The following SPATA18 variants were observed in gnomAD, a reference collection of about 807,000 sequenced individuals.
SPATA18 encodes the protein spermatogenesis associated 18.
SPATA18 carries 54 observed loss-of-function variants against 68.1 expected under a neutral mutation model. That is an observed-to-expected ratio of 0.79 (90% CI 0.64 to 0.99). The LOEUF is 0.99. Among genes scored for constraint, SPATA18 ranks in the 50% least tolerant of loss-of-function variants. The probability of loss-of-function intolerance (pLI) is 0.00; values close to 1 mark genes in which losing one functional copy is unlikely to be tolerated. For missense variants in SPATA18, 724 were observed against 681.1 expected (o/e 1.06, Z -0.70); for synonymous variants, 242 against 244.8 (o/e 0.99, Z 0.11).
intron 10 of SPATA18, chr4:52,083,227 C>A: frequency 1.0e-6 from 1 of 985,348 alleles, no homozygotes; most frequent in Non-Finnish European, 1.2e-6. Context: ...CCCTGCCTTT[C>A]CTAGAAAGAG....
At chr4:52,086,565 T>C (rs1249482631) in intron 11 of SPATA18, among the ~76,000 whole-genome samples, 1 of 152,206 alleles carries the variant, frequency 6.6e-6, no homozygotes, top group Non-Finnish European at 1.5e-5. Flanking sequence ...GGCTTCCAGC[T>C]TCATCAATGT....
rs994958016 is a variant in SPATA18, at chr4:52,079,625, T to C, written c.1180-119T>C. The C allele has an allele frequency of 9.4e-6, 11 of 1,170,710 alleles. No homozygotes were observed. In the Admixed American group the frequency reaches 2.4e-4, roughly 26 times the overall value. The allele number at this position is 1,170,710 out of a possible 1,614,324, so 72.5% of individuals were successfully genotyped here. On this transcript the variant is annotated intron_variant, in intron 8 of 12. Transcript: ENST00000295213. ...TTAGCACATTCACTGTTTTTCTGCTTTAACTTGCTTTGGCTCACATTCTCT... is the reference window on the plus strand; with the variant it reads ...TTAGCACATTCACTGTTTTTCTGCTCTAACTTGCTTTGGCTCACATTCTCT...
chr4:52,057,787 G>A (rs1163400131), intron 1 of SPATA18, among the ~76,000 whole-genome samples: 1 of 152,170 alleles, frequency 6.6e-6, no homozygotes, highest in Admixed American at 6.5e-5. Flanking sequence ...CTACCTCATA[G>A]GTGCCAATTG....
chr4:52,082,733 A>T (rs1741055033), intron 10 of SPATA18: 2 of 1,373,654 alleles, frequency 1.5e-6, no homozygotes, highest in Non-Finnish European at 1.9e-6. Flanking sequence ...TTCTTGCTTT[A>T]TTTAGGAGAT....
intron 4 of SPATA18, among the ~76,000 whole-genome samples, chr4:52,064,398 C>A (rs1377111478): frequency 2.6e-5 from 4 of 152,020 alleles, no homozygotes; most frequent in Non-Finnish European, 5.9e-5. Flanking sequence ...ACACTATAGC[C>A]AATATGTAGT....
chr4:52,069,690 T>A (rs1739626143), intron 4 of SPATA18, 131 bp from the exon 5 acceptor site: 1 of 454,166 alleles, frequency 2.2e-6, no homozygotes, highest in South Asian at 6.1e-5. Flanking sequence ...TGAATGCAGA[T>A]GTCTTTTAAT....
Position 52,076,929 on chromosome 4 carries a change from G to A in SPATA18, c.909G>A (p.Leu303=), listed in dbSNP as rs1439264492. The A allele has an allele frequency of 6.2e-7, 1 of 1,614,180 alleles. No homozygotes were observed. Residue 303 remains leucine, a synonymous_variant, in exon 7 of 13, where the codon TTG becomes TTA. Transcript: ENST00000295213. ...LSNVARKAAL[L]SRFSDSYSQA... is the part of the protein sequence containing the mutation. Reference sequence around the variant, plus strand: ...ATGTGGCGCGCAAGGCTGCCCTCTTGTCCCGGTTCAGCGATTCCTATTCCC... The same window carrying A: ...ATGTGGCGCGCAAGGCTGCCCTCTTATCCCGGTTCAGCGATTCCTATTCCC...
At chr4:52,075,624 G>A (rs914972693) in intron 6 of SPATA18, among the ~76,000 whole-genome samples, 4 of 152,168 alleles carry the variant, frequency 2.6e-5, no homozygotes, top group African/African-American at 9.7e-5. Context: ...CTCTCAGATG[G>A]CTCCTGAGTG....
At chr4:52,056,836 G>A (rs997851134) in intron 1 of SPATA18, among the ~76,000 whole-genome samples, 1 of 152,152 alleles carries the variant, frequency 6.6e-6, no homozygotes, top group African/African-American at 2.4e-5. Context: ...AACATGCAAA[G>A]CAAATATGAG....
rs1293954805 is a variant in SPATA18, at chr4:52,060,503, C to A, written c.172C>A (p.Leu58Ile). The change falls in exon 2 of 13, where the codon CTC becomes ATC. Residue 58 changes from leucine to isoleucine, a missense_variant. Leu to Ile is a conservative substitution (Grantham distance 5). Transcript: ENST00000295213. ...GGTGCAGGGACAACTCTTTGGGATC[C>A]TCACAGCAGCAGCCCAAGAAGGTGA... is the stretch of plus-strand genomic sequence containing the variant. ...AKVQGQLFGI[L>I]TAAAQEGGRN... 1.9e-6 allele frequency: 3 copies of A among 1,613,984 alleles called. No individual in the cohort carries two copies. The South Asian group carries it at 3.3e-5, about 18-fold the overall frequency.
At chr4:52,080,161 C>T (rs1203350195) in intron 9 of SPATA18, among the ~76,000 whole-genome samples, 1 of 152,142 alleles carries the variant, frequency 6.6e-6, no homozygotes, top group African/African-American at 2.4e-5. Flanking sequence ...ATCTAGAACA[C>T]TTTTTTAAAG....
At chr4:52,075,868 C>G (rs1215393272) in intron 6 of SPATA18, among the ~76,000 whole-genome samples, 1 of 152,184 alleles carries the variant, frequency 6.6e-6, no homozygotes, top group Non-Finnish European at 1.5e-5. Context: ...CGTGACCTTT[C>G]TTCATGGGAA....
chr4:52,082,992 G>A (rs1034736005), intron 10 of SPATA18: 14 of 985,274 alleles, frequency 1.4e-5, no homozygotes, highest in African/African-American at 1.7e-5. Context: ...GGGCAGAGGA[G>A]GTGGGAGAGA....
chr4:52,060,365 G>T, intron 1 of SPATA18, 54 bp from the exon 2 acceptor site: 1 of 1,482,434 alleles, frequency 6.7e-7, no homozygotes, highest in Non-Finnish European at 9.3e-7. Flanking sequence ...TCTGTCTGCA[G>T]TGGGTCCCAG....
intron 1 of SPATA18, among the ~76,000 whole-genome samples, chr4:52,054,600 A>G (rs1224026599): frequency 6.6e-6 from 1 of 152,126 alleles, no homozygotes; most frequent in Non-Finnish European, 1.5e-5. Context: ...TAACATTTAA[A>G]TGTATTACAA....
intron 11 of SPATA18, among the ~76,000 whole-genome samples, chr4:52,088,546 G>T (rs915881851): frequency 3.3e-5 from 5 of 152,108 alleles, no homozygotes; most frequent in African/African-American, 9.7e-5. Context: ...TAATCATGTG[G>T]TTTTTGTCAT....
chr4:52,080,536 A>T (rs1740831845), intron 9 of SPATA18, among the ~76,000 whole-genome samples: 1 of 152,206 alleles, frequency 6.6e-6, no homozygotes, highest in East Asian at 1.9e-4. Flanking sequence ...ATTTCTTGAG[A>T]TCACAGGATA....
At chr4:52,072,742 C>A (rs1026323036) in intron 6 of SPATA18, among the ~76,000 whole-genome samples, 1 of 152,124 alleles carries the variant, frequency 6.6e-6, no homozygotes, top group Admixed American at 6.5e-5. Context: ...CAGATTTGTG[C>A]AGGCCTATGG....
Position 52,051,382 on chromosome 4 carries a change from C to T in SPATA18, c.-323C>T. The T allele has an allele frequency of 3.9e-6, 1 of 253,284 alleles. No individual in the cohort carries two copies. Among genetic ancestry groups the T allele is most frequent in the Non-Finnish European group, 7.4e-6 (1 of 134,644 alleles). The allele number at this position is 253,284 out of a possible 1,614,324, so 15.7% of individuals were successfully genotyped here. On this transcript the variant is annotated 5_prime_UTR_variant, in exon 1 of 13. Transcript: ENST00000295213. ...GCCACGACGCGGGCCGCGCGCGTCC[C>T]TGGCAGCCAACCCGTCCACGTCAAG...
Sources: allele counts gnomAD v4.1 joint callset (sites outside exome capture counted in the v4.1 genomes callset), GRCh38; gene constraint gnomAD v4.1.1; transcripts MANE v1.5; gene names NCBI Gene and HGNC (gene_info 2026-07-23, HGNC 2026-07-21).